SPATA17: variants seen among roughly 807,000 people sequenced by gnomAD.
SPATA17 encodes spermatogenesis associated 17, also known as spermatogenesis-associated protein 17.
SPATA17 carries 53 observed loss-of-function variants against 62.2 expected under a neutral mutation model. The ratio of observed to expected loss-of-function variants is 0.85; its 90% CI spans 0.68 to 1.07. SPATA17 has a LOEUF of 1.07. Ranked by LOEUF, SPATA17 falls within the 50% of genes least tolerant of loss-of-function variation. SPATA17 has a pLI of 0.00. For synonymous variants in SPATA17, 146 were observed against 146.8 expected (o/e 0.99, Z 0.04); for missense variants, 466 against 425.5 (o/e 1.10, Z -0.84).
intron 5 of SPATA17, among the ~76,000 whole-genome samples, chr1:217,712,796 A>G (rs936477955): frequency 2.0e-5 from 3 of 152,128 alleles, no homozygotes; most frequent in African/African-American, 7.2e-5. Context: ...GCTCAAATAG[A>G]GTTACAGAGG....
intron 7 of SPATA17, among the ~76,000 whole-genome samples, chr1:217,778,250 C>T (rs1673641870): frequency 1.3e-5 from 2 of 152,078 alleles, no homozygotes; most frequent in Non-Finnish European, 2.9e-5. Context: ...GTGGCTCACA[C>T]CTGTAATCCC....
At chr1:217,826,150 G>A (rs12404729) in intron 9 of SPATA17, among the ~76,000 whole-genome samples, 44,488 of 151,906 alleles carry the variant, frequency 0.29, 7,744 homozygotes, top group Non-Finnish European at 0.38. Context: ...TCAGTTTCTG[G>A]TGAGGTCTCT....
intron 6 of SPATA17, among the ~76,000 whole-genome samples, chr1:217,768,878 A>T (rs1454153941): frequency 6.6e-6 from 1 of 152,132 alleles, no homozygotes; most frequent in Non-Finnish European, 1.5e-5. Context: ...ACCTCTTCAA[A>T]AGTTATTAGA....
intron 6 of SPATA17, among the ~76,000 whole-genome samples, chr1:217,750,544 A>G (rs1672880991): frequency 6.6e-6 from 1 of 152,186 alleles, no homozygotes; most frequent in Non-Finnish European, 1.5e-5. Flanking sequence ...TCCAAAACCA[A>G]TTCTTAATTC....
intron 5 of SPATA17, among the ~76,000 whole-genome samples, chr1:217,735,687 G>A (rs944309403): frequency 3.3e-5 from 5 of 152,084 alleles, no homozygotes; most frequent in Non-Finnish European, 7.4e-5. Context: ...TTTGTTGAGG[G>A]GATCTATGAA....
chr1:217,698,864 C>G (rs964401751), intron 5 of SPATA17, among the ~76,000 whole-genome samples: 2 of 152,212 alleles, frequency 1.3e-5, no homozygotes, highest in Non-Finnish European at 2.9e-5. Context: ...CACTTCTATT[C>G]TACCACACTC....
intron 9 of SPATA17, chr1:217,850,714 A>T: frequency 9.1e-7 from 1 of 1,095,232 alleles, no homozygotes. Context: ...CGCTCACCCG[A>T]CAAAGCCATT....
At chr1:217,772,828 T>C (rs932113793) in intron 6 of SPATA17, among the ~76,000 whole-genome samples, 7 of 152,164 alleles carry the variant, frequency 4.6e-5, no homozygotes, top group Admixed American at 3.9e-4. Flanking sequence ...TACATGCAAA[T>C]ATAATTTTGA....
chr1:217,758,746 G>A (rs141397790), intron 6 of SPATA17, among the ~76,000 whole-genome samples: 60 of 152,308 alleles, frequency 3.9e-4, no homozygotes, highest in African/African-American at 1.3e-3. Context: ...GGAGACAATA[G>A]ATTAGGAAAG....
rs140823775 is a variant in SPATA17 at position 217,828,053 on chromosome 1, A to G, written c.1005+26203A>G. Among the ~76,000 whole-genome samples, 1,077 of 152,294 alleles carry G rather than the reference A, an allele frequency of 7.1e-3. 16 individuals carry two copies. Among genetic ancestry groups the G allele is most frequent in the African/African-American group, 0.025 (1,021 of 41,564 alleles). ...GGGAACTTAAAAAAATTATAATGACATTCTTCACATAAAGAGAAAACAAAA... is the reference window on the plus strand; with the variant it reads ...GGGAACTTAAAAAAATTATAATGACGTTCTTCACATAAAGAGAAAACAAAA... On this transcript the variant is annotated intron_variant, in intron 9 of 10. Transcript: ENST00000366933.
chr1:217,792,208 T>C (rs1186709937), intron 8 of SPATA17, among the ~76,000 whole-genome samples: 5 of 152,180 alleles, frequency 3.3e-5, no homozygotes, highest in Non-Finnish European at 5.9e-5. Flanking sequence ...GAGCCTGATA[T>C]GGTCTGGATG....
chr1:217,754,595 G>A (rs537260416), intron 6 of SPATA17, among the ~76,000 whole-genome samples: 41 of 152,168 alleles, frequency 2.7e-4, no homozygotes, highest in African/African-American at 9.9e-4. Context: ...CAGTTTGTAA[G>A]GTTTGTCAGG....
Position 217,683,343 on chromosome 1 carries a change from A to T in SPATA17, c.377A>T (p.Glu126Val), listed in dbSNP as rs372279654. ...AAAGAGTACCTGAAAGTCGTTTCAG[A>T]GACCAATGATGCAATTAGGTAAGTA... is the stretch of plus-strand genomic sequence containing the variant. ...YLKEYLKVVS[E>V]TNDAIRKALE... Residue 126 changes from glutamate to valine, a missense_variant, in exon 5 of 11, where the codon GAG (glutamate) becomes GTG (valine). Coordinates refer to ENST00000366933, the MANE Select transcript of SPATA17 (RefSeq NM_138796.4). The T allele has an allele frequency of 1.2e-6, 2 of 1,607,796 alleles. No homozygotes were observed. The highest frequency in any genetic ancestry group is 1.7e-6 in the Non-Finnish European group (2 of 1,175,938).
At chr1:217,741,675 A>C (rs753656092) in intron 5 of SPATA17, among the ~76,000 whole-genome samples, 4 of 152,202 alleles carry the variant, frequency 2.6e-5, no homozygotes, top group Admixed American at 6.5e-5. Context: ...TTAATCTTAA[A>C]GCAAAAATAC....
chr1:217,807,616 A>G (rs1242089413), intron 9 of SPATA17, among the ~76,000 whole-genome samples: 2 of 152,160 alleles, frequency 1.3e-5, no homozygotes, highest in African/African-American at 2.4e-5. Context: ...ATATATCTGA[A>G]TGAACAGGAT....
chr1:217,748,782 A>T (rs980083741), intron 6 of SPATA17, among the ~76,000 whole-genome samples: 10 of 151,738 alleles, frequency 6.6e-5, no homozygotes, highest in African/African-American at 2.4e-4. Context: ...CTTCCAAATC[A>T]CTTATTACTT....
At chr1:217,724,840 A>AT (rs938035411) in intron 5 of SPATA17, among the ~76,000 whole-genome samples, 1 of 151,378 alleles carries the variant, frequency 6.6e-6, no homozygotes, top group African/African-American at 2.4e-5. Context: ...TAATTAGTTT[A>AT]TTTTTTTTCC....
chr1:217,654,775 C>T (rs576342578), intron 3 of SPATA17, among the ~76,000 whole-genome samples: 6 of 146,626 alleles, frequency 4.1e-5, no homozygotes, highest in Non-Finnish European at 6.0e-5. Context: ...TGCAAGGGTG[C>T]GAGCTCAGCT....
chr1:217,635,459 T>C (rs554145015), intron 1 of SPATA17, among the ~76,000 whole-genome samples: 3 of 152,314 alleles, frequency 2.0e-5, no homozygotes, highest in African/African-American at 7.2e-5. Context: ...ATCCCAGCAC[T>C]TTGGGAGGCT....
Sources: gnomAD v4.1 joint callset for allele counts (sites outside exome capture counted in the v4.1 genomes callset) on GRCh38, gnomAD v4.1.1 for gene constraint, MANE v1.5 for transcripts, NCBI Gene and HGNC (gene_info 2026-07-23, HGNC 2026-07-21) for gene names.